The following TBC1D17 variants were observed in gnomAD, a reference collection of about 807,000 sequenced individuals.
The protein encoded by TBC1D17 is TBC1 domain family member 17.
A neutral mutation model predicts 78.8 loss-of-function variants in TBC1D17; 69 were observed. That is an observed-to-expected ratio of 0.88 (90% CI 0.72 to 1.07). The LOEUF (loss-of-function observed/expected upper bound fraction) is 1.07, where lower values mean the gene tolerates loss of function less well. Among genes scored for constraint, TBC1D17 ranks in the 50% least tolerant of loss-of-function variants. TBC1D17 has a pLI of 0.00. For missense variants in TBC1D17, 957 were observed against 861.0 expected (o/e 1.11, Z -1.39); for synonymous variants, 456 against 358.3 (o/e 1.27, Z -3.08).
intron 13 of TBC1D17, 91 bp from the exon 14 acceptor site, chr19:49,887,385 G>C (rs1328553243): frequency 7.4e-7 from 1 of 1,359,796 alleles, no homozygotes; most frequent in Non-Finnish European, 1.0e-6. Flanking sequence ...CACTTGCCTA[G>C]ACTTGGGGAA....
chr19:49,888,218 C>T lies in TBC1D17; in HGVS notation c.1660-13C>T. Reference sequence around the variant, plus strand: ...TGAGTGCCGACTGGCGCCTGACCCACCCCCTCCCGCAGCACATCAACGAGC... The same window carrying T: ...TGAGTGCCGACTGGCGCCTGACCCATCCCCTCCCGCAGCACATCAACGAGC... On this transcript the variant is annotated splice_polypyrimidine_tract_variant and intron_variant, in intron 15 of 16. Transcript: ENST00000221543. 1.9e-6 allele frequency: 3 copies of T among 1,570,618 alleles called. No individual in the cohort carries two copies. The highest frequency in any genetic ancestry group is 2.6e-6 in the Non-Finnish European group (3 of 1,158,468).
intron 15 of TBC1D17, 181 bp from the exon 16 acceptor site, chr19:49,888,050 C>A (rs1376697415): frequency 2.7e-6 from 3 of 1,112,772 alleles, no homozygotes; most frequent in Non-Finnish European, 3.8e-6. Context: ...ACCTTCCCTC[C>A]CCGAGTACGT....
chr19:49,885,140 T>C, intron 13 of TBC1D17: 1 of 264,158 alleles, frequency 3.8e-6, no homozygotes, highest in Non-Finnish European at 7.5e-6. Context: ...GGGTGCTGCA[T>C]CCCAGCTTTA....
At position 49,880,408 on chromosome 19, in the gene TBC1D17, C is replaced by T. The variant is rs2075003043; in HGVS notation, c.319+6C>T. ...CCACTCAGAGCCCACGAGAGGTAGG[C>T]TGAGGTGGCGGCCCTTGAGAAGCAC... is the stretch of plus-strand genomic sequence containing the variant. On this transcript the variant is annotated splice_donor_region_variant and intron_variant, in intron 4 of 16. Coordinates refer to ENST00000221543, the MANE Select transcript of TBC1D17 (RefSeq NM_024682.3). 1.2e-6 allele frequency: 2 copies of T among 1,612,508 alleles called. No homozygotes were observed. The highest frequency in any genetic ancestry group is 1.3e-5 in the African/African-American group (1 of 74,912).
At chr19:49,880,849 T>A (rs1234228690) in intron 4 of TBC1D17, among the ~76,000 whole-genome samples, 2 of 152,298 alleles carry the variant, frequency 1.3e-5, no homozygotes, top group South Asian at 4.1e-4. Flanking sequence ...GGGAGTTTTC[T>A]CTTCTGGCAG....
chr19:49,888,678 C>T lies in TBC1D17; in HGVS notation c.*54C>T, dbSNP rs1210014471. The stretch of plus-strand genomic sequence containing the variant: ...GCACTTTAGCCCGAGCCAGGCACAC[C>T]TGCGAGGGGGCAGGTGTGCTCCGCC... On this transcript the variant is annotated 3_prime_UTR_variant, in exon 17 of 17. Transcript: ENST00000221543. 2 of 1,458,756 alleles carry T rather than the reference C, an allele frequency of 1.4e-6. No individual in the cohort carries two copies. Among genetic ancestry groups the T allele is most frequent in the African/African-American group, 2.8e-5 (2 of 70,658 alleles). The allele number at this position is 1,458,756 out of a possible 1,614,324, so 90.4% of individuals were successfully genotyped here.
chr19:49,886,359 C>G (rs531358700), intron 13 of TBC1D17, among the ~76,000 whole-genome samples: 1 of 152,130 alleles, frequency 6.6e-6, no homozygotes, highest in Non-Finnish European at 1.5e-5. Flanking sequence ...AACATTTCCT[C>G]GATGCTTTAG....
intron 13 of TBC1D17, among the ~76,000 whole-genome samples, chr19:49,885,834 C>T (rs1427154398): frequency 1.3e-5 from 2 of 151,706 alleles, no homozygotes; most frequent in Non-Finnish European, 2.9e-5. Flanking sequence ...ATTAGCCAGC[C>T]GTGGTGGCGC....
chr19:49,884,123 T>C, intron 10 of TBC1D17, 130 bp from the exon 11 acceptor site: 2 of 814,536 alleles, frequency 2.5e-6, no homozygotes, highest in South Asian at 3.2e-5. Flanking sequence ...CCAGCTCTGC[T>C]TCTCCCCCAG....
Position 49,888,275 on chromosome 19 carries a change from G to A in TBC1D17, c.1704G>A (p.Leu568=). 2.5e-6 allele frequency: 4 copies of A among 1,592,920 alleles called. No individual in the cohort carries two copies. The highest frequency in any genetic ancestry group is 3.4e-6 in the Non-Finnish European group (4 of 1,170,546). ...TGAAGCTGAGCGTGGAGGACGTGCT[G>A]ACCCGCGCCGAGGCCCTGCACCGCC... ...LTMKLSVEDV[L]TRAEALHRQL... Residue 568 remains leucine, a synonymous_variant, in exon 16 of 17, where the codon CTG becomes CTA. Coordinates refer to ENST00000221543, the MANE Select transcript of TBC1D17 (RefSeq NM_024682.3).
At position 49,878,110 on chromosome 19, in the gene TBC1D17, G is replaced by A. The variant is rs374543547; in HGVS notation, c.22-33G>A. ...CTCCCCAGGCTGGTCCCCTCGCTTG[G>A]GCCCCAGCCCTCGCTGGTTCCCCCC... On this transcript the variant is annotated intron_variant, in intron 1 of 16. Coordinates refer to ENST00000221543, the MANE Select transcript of TBC1D17 (RefSeq NM_024682.3). The A allele has an allele frequency of 1.1e-4, 163 of 1,540,998 alleles. No homozygotes were observed. The African/African-American group carries it at 2.0e-3, about 19-fold the overall frequency.
Position 49,877,735 on chromosome 19 carries a change from C to A in TBC1D17, c.12C>A (p.Ala4=), listed in dbSNP as rs755734419. The change falls in exon 1 of 17, where the codon GCC becomes GCA. Residue 4 remains alanine (A), a synonymous_variant. Coordinates refer to ENST00000221543, the MANE Select transcript of TBC1D17 (RefSeq NM_024682.3). The part of the protein sequence containing the change: MEG[A]GYRVVFEKGG... ...CTTCGGCGGCGACTATGGAAGGAGC[C>A]GGCTACAGGGTAAGCACTGAGGACG... 2 of 1,598,280 alleles carry A rather than the reference C, an allele frequency of 1.3e-6. No individual in the cohort carries two copies. Among genetic ancestry groups the A allele is most frequent in the Non-Finnish European group, 1.7e-6 (2 of 1,173,414 alleles).
At chr19:49,888,118 C>T (rs1194971716) in intron 15 of TBC1D17, 113 bp from the exon 16 acceptor site, 3 of 1,514,146 alleles carry the variant, frequency 2.0e-6, no homozygotes, top group African/African-American at 2.8e-5. Context: ...CTTCTGAGCC[C>T]CCAGAGGGCC....
intron 13 of TBC1D17, chr19:49,887,133 G>A (rs1421386862): frequency 1.6e-5 from 5 of 315,448 alleles, no homozygotes; most frequent in African/African-American, 7.9e-5. Context: ...CATCGCACCC[G>A]GCCTTCAGCT....
chr19:49,883,619 G>C (rs199852782), intron 9 of TBC1D17, 32 bp from the exon 10 acceptor site: 6 of 1,594,222 alleles, frequency 3.8e-6, no homozygotes, highest in Non-Finnish European at 5.2e-6. Context: ...AGACAGTGGC[G>C]GCCTCACATC....
At position 49,883,718 on chromosome 19, in the gene TBC1D17, C is replaced by T. The variant is rs201753517; in HGVS notation, c.1099C>T (p.Leu367Phe). Residue 367 changes from leucine (L) to phenylalanine (F), a missense_variant, in exon 10 of 17, where the codon CTT becomes TTT. Coordinates refer to ENST00000221543, the MANE Select transcript of TBC1D17 (RefSeq NM_024682.3). ...VSPEQERRNS[L>F]LHGYRSLIER... Reference sequence around the variant, plus strand: ...CCCTGAGCAGGAGCGGAGAAACTCACTTCTGCATGGATACCGCAGCCTCAT... The same window carrying T: ...CCCTGAGCAGGAGCGGAGAAACTCATTTCTGCATGGATACCGCAGCCTCAT... The T allele has an allele frequency of 1.2e-6, 2 of 1,613,980 alleles. No individual in the cohort carries two copies. Among genetic ancestry groups the T allele is most frequent in the Non-Finnish European group, 1.7e-6 (2 of 1,179,966 alleles).
intron 3 of TBC1D17, among the ~76,000 whole-genome samples, chr19:49,879,876 CAG>C (rs2074997070): frequency 1.5e-5 from 2 of 135,638 alleles, no homozygotes; most frequent in Non-Finnish European, 3.1e-5. Context: ...TTTAATGAGA[CAG>C]AATTTGCTCT....
intron 15 of TBC1D17, 105 bp from the exon 16 acceptor site, chr19:49,888,126 G>A (rs1241984053): frequency 2.6e-5 from 40 of 1,528,000 alleles, no homozygotes; most frequent in Non-Finnish European, 3.4e-5. Flanking sequence ...CCCCCAGAGG[G>A]CCAGCCCGGT....
rs1051350761 is a variant in TBC1D17 at position 49,888,607 on chromosome 19, G to A, written c.1930G>A (p.Glu644Lys). 1.3e-6 allele frequency: 2 copies of A among 1,528,064 alleles called. No individual in the cohort carries two copies. The highest frequency in any genetic ancestry group is 2.0e-5 in the Admixed American group (1 of 50,524). The allele number at this position is 1,528,064 out of a possible 1,614,324, so 94.7% of individuals were successfully genotyped here. A position where few individuals can be genotyped will look rare whatever the true frequency, so the allele number is the denominator to read the frequency against. Residue 644 changes from glutamate to lysine, a missense_variant, in exon 17 of 17, where the codon GAG becomes AAG. By Grantham distance (56) the Glu-to-Lys change is moderately conservative. Coordinates refer to ENST00000221543, the MANE Select transcript of TBC1D17 (RefSeq NM_024682.3). ...SLEILPEEED[E>K]GADS is the part of the protein sequence containing the mutation. ...GGAGATCCTGCCCGAGGAGGAGGAC[G>A]AGGGCGCCGACTCCTAACCCCGCCA...
Sources: allele counts gnomAD v4.1 joint callset (sites outside exome capture counted in the v4.1 genomes callset), GRCh38; gene constraint gnomAD v4.1.1; transcripts MANE v1.5; gene names NCBI Gene and HGNC (gene_info 2026-07-23, HGNC 2026-07-21).